EFNA2: variants seen among roughly 807,000 people sequenced by gnomAD.
The protein encoded by EFNA2 is ephrin-A2.
A neutral mutation model predicts 19.7 loss-of-function variants in EFNA2; 18 were observed. That is an observed-to-expected ratio of 0.91 (90% CI 0.63 to 1.35). EFNA2 has a LOEUF of 1.35. EFNA2 is among the 40% of genes most tolerant of loss of function. EFNA2 has a pLI of 0.00. For synonymous variants in EFNA2, 187 were observed against 137.8 expected, an observed-to-expected ratio of 1.36 and a Z score of -2.50; for missense variants, 303 against 296.0, an observed-to-expected ratio of 1.02 and a Z score of -0.17.
chr19:1,284,643 G>A (rs1475175502), upstream of EFNA2, among the ~76,000 whole-genome samples: 1 of 152,218 alleles, frequency 6.6e-6, no homozygotes, highest in African/African-American at 2.4e-5. This position sits in a 1 kb window ranked among gnomAD's most constrained non-coding sequence, Gnocchi z 5.3. Flanking sequence ...CCACGTCTCA[G>A]AGCTGTGGGA....
In EFNA2 at chr19:1,298,606, G is replaced by C; in HGVS notation, c.510G>C (p.Val170=). ...DRPCLRLKVY[V]RPTNETLYEA... ...CCTGCCTGCGACTGAAGGTGTACGT[G>C]CGGCCGACCAGTAAGTGCTCAGGGG... Residue 170 remains valine (V), a synonymous_variant, in exon 3 of 4, where the codon GTG becomes GTC. Coordinates refer to ENST00000215368, the MANE Select transcript of EFNA2 (RefSeq NM_001405.4). The C allele has an allele frequency of 6.2e-7, 1 of 1,613,936 alleles. No individual in the cohort carries two copies. Among genetic ancestry groups the C allele is most frequent in the African/African-American group, 1.3e-5 (1 of 75,012 alleles).
rs542330915 is a variant in EFNA2 at position 1,287,446 on chromosome 19, G to C, written c.140+1138G>C. On this transcript the variant is annotated intron_variant, in intron 1 of 3. Transcript: ENST00000215368. This position sits in a 1 kb window ranked among gnomAD's most constrained non-coding sequence, Gnocchi z 6.2. ...TTTCCAGCCGCTTCCTGTGCCGACCGAGCCGCCCTCTGGAGCCCGCCACCC... is the reference window on the plus strand; with the variant it reads ...TTTCCAGCCGCTTCCTGTGCCGACCCAGCCGCCCTCTGGAGCCCGCCACCC... Among the ~76,000 whole-genome samples, 1 of 152,120 alleles carries C rather than the reference G, an allele frequency of 6.6e-6. No individual in the cohort carries two copies. Among genetic ancestry groups the C allele is most frequent in the Non-Finnish European group, 1.5e-5 (1 of 68,022 alleles).
intron 1 of EFNA2, among the ~76,000 whole-genome samples, chr19:1,291,174 G>A (rs560615474): frequency 6.6e-6 from 1 of 152,298 alleles, no homozygotes; most frequent in East Asian, 1.9e-4. Context: ...AAGGTGGGTG[G>A]CCGACGGCAG....
chr19:1,300,122 T>C lies in EFNA2; in HGVS notation c.*177T>C. The C allele has an allele frequency of 1.1e-6, 1 of 878,478 alleles. No individual in the cohort carries two copies. The highest frequency in any genetic ancestry group is 1.6e-6 in the Non-Finnish European group (1 of 623,602). 54.4% of individuals were successfully genotyped at this position (878,478 alleles called of 1,614,324 possible). A position where few individuals can be genotyped will look rare whatever the true frequency, so the allele number is the denominator to read the frequency against. On this transcript the variant is annotated 3_prime_UTR_variant, in exon 4 of 4. Transcript: ENST00000215368. The stretch of plus-strand genomic sequence containing the variant: ...CATCCACCCGCCCCAGGACCAGCCC[T>C]CAGGGAGGGGAAACGGCCGAGAGCC...
chr19:1,286,417 G>T lies in EFNA2; in HGVS notation c.140+109G>T, dbSNP rs987550213. 8.1e-6 allele frequency: 3 copies of T among 371,700 alleles called. No individual in the cohort carries two copies. The highest frequency in any genetic ancestry group is 1.1e-5 in the Non-Finnish European group (3 of 270,792). 23.0% of individuals were successfully genotyped at this position (371,700 alleles called of 1,614,324 possible). Reference sequence around the variant, plus strand: ...GGGCGCCCCCCACGCGCGCGCCGCCGCCGGGATGCGGGCGCCCGGTTCCCG... The same window carrying T: ...GGGCGCCCCCCACGCGCGCGCCGCCTCCGGGATGCGGGCGCCCGGTTCCCG... On this transcript the variant is annotated intron_variant, in intron 1 of 3. Transcript: ENST00000215368. This position sits in a 1 kb window ranked among gnomAD's most constrained non-coding sequence, Gnocchi z 5.6.
At chr19:1,293,158 C>T (rs1176038261) in intron 1 of EFNA2, among the ~76,000 whole-genome samples, 2 of 152,192 alleles carry the variant, frequency 1.3e-5, no homozygotes, top group African/African-American at 2.4e-5. Context: ...GGTCCCTCCA[C>T]GGAGGCCTCC....
At chr19:1,298,234 T>C (rs1419471255) in intron 2 of EFNA2, among the ~76,000 whole-genome samples, 1 of 152,104 alleles carries the variant, frequency 6.6e-6, no homozygotes, top group East Asian at 1.9e-4. Flanking sequence ...CTTTGCTGAT[T>C]GCTTGAAAAC....
At chr19:1,292,855 C>T (rs1354350815) in intron 1 of EFNA2, among the ~76,000 whole-genome samples, 5 of 152,152 alleles carry the variant, frequency 3.3e-5, no homozygotes, top group South Asian at 2.1e-4. Context: ...GGCACCTGGC[C>T]GCTCAGCCAC....
upstream of EFNA2, among the ~76,000 whole-genome samples, chr19:1,285,137 C>A (rs1337499225): frequency 6.6e-6 from 1 of 152,208 alleles, no homozygotes; most frequent in Non-Finnish European, 1.5e-5. The surrounding 1 kb of genome is among the most constrained non-coding windows in gnomAD (Gnocchi z 4.1). Context: ...CCACCTGTGT[C>A]AGCCTACCAG....
chr19:1,288,176 T>C (rs1201795762), intron 1 of EFNA2, among the ~76,000 whole-genome samples: 1 of 152,218 alleles, frequency 6.6e-6, no homozygotes, highest in Non-Finnish European at 1.5e-5. Flanking sequence ...CACCCTGCAG[T>C]GGGGCCCAGG....
chr19:1,299,749 C>G, intron 3 of EFNA2, 75 bp from the exon 4 acceptor site: 1 of 1,504,978 alleles, frequency 6.6e-7, no homozygotes, highest in South Asian at 1.3e-5. Flanking sequence ...GATGTGCACC[C>G]TGAGGGCGGG....
At position 1,301,344 on chromosome 19, in the gene EFNA2, T is replaced by G. The variant is rs1600064428; in HGVS notation, c.*1399T>G. 6.6e-6 allele frequency among the ~76,000 whole-genome samples: 1 copy of G among 151,658 alleles called. No individual in the cohort carries two copies. The highest frequency in any genetic ancestry group is 1.9e-4 in the East Asian group (1 of 5,160). On this transcript the variant is annotated 3_prime_UTR_variant, in exon 4 of 4. Transcript: ENST00000215368. ...GCGGGGCGGGCCGCGTTGCCAGGCC[T>G]GGAGCTGGCGACCGGGCCTCCCTCT...
Position 1,300,320 on chromosome 19 carries a change from T to G in EFNA2, c.*375T>G, listed in dbSNP as rs79149240. On this transcript the variant is annotated 3_prime_UTR_variant, in exon 4 of 4. Transcript: ENST00000215368. ...GGATCAAAAAGACTTGAGTTTTTAA[T>G]TTAATTTATTCCCTGCCGTTGTAGC... The G allele has an allele frequency of 6.9e-4, 114 of 164,388 alleles. 1 individual carries two copies. In the East Asian group the frequency reaches 0.018, roughly 26 times the overall value. The allele number at this position is 164,388 out of a possible 1,614,324, so 10.2% of individuals were successfully genotyped here.
intron 3 of EFNA2, among the ~76,000 whole-genome samples, 181 bp from the exon 4 acceptor site, chr19:1,299,643 T>C (rs534600137): frequency 9.1e-4 from 136 of 150,256 alleles, no homozygotes; most frequent in African/African-American, 3.1e-3. Flanking sequence ...GGTCCCCCAC[T>C]TCAGGCCAAG....
rs1360748394 is a variant in EFNA2 at position 1,297,343 on chromosome 19, G to A, written c.455-1208G>A. 1.3e-5 allele frequency among the ~76,000 whole-genome samples: 2 copies of A among 152,160 alleles called. No homozygotes were observed. The highest frequency in any genetic ancestry group is 4.8e-5 in the African/African-American group (2 of 41,434). Reference sequence around the variant, plus strand: ...AAGCGGGTGGGGGACGGGGGAAGGTGTTTAAATTAAGTCCCCATAATATGA... The same window carrying A: ...AAGCGGGTGGGGGACGGGGGAAGGTATTTAAATTAAGTCCCCATAATATGA... On this transcript the variant is annotated intron_variant, in intron 2 of 3. Coordinates refer to ENST00000215368, the MANE Select transcript of EFNA2 (RefSeq NM_001405.4). The surrounding 1 kb of genome is among the most constrained non-coding windows in gnomAD (Gnocchi z 5.0).
upstream of EFNA2, among the ~76,000 whole-genome samples, chr19:1,284,579 G>A (rs1199295846): frequency 1.3e-5 from 2 of 152,220 alleles, no homozygotes; most frequent in Admixed American, 1.3e-4. The surrounding 1 kb of genome is among the most constrained non-coding windows in gnomAD (Gnocchi z 5.3). Context: ...GGCCCGCGTG[G>A]CCCGCTGGGG....
chr19:1,295,908 G>A lies in EFNA2; in HGVS notation c.454+50G>A, dbSNP rs1198483271. 9 of 1,502,038 alleles carry A rather than the reference G, an allele frequency of 6.0e-6. No individual in the cohort carries two copies. The highest frequency in any genetic ancestry group is 8.0e-6 in the Non-Finnish European group (9 of 1,128,710). The allele number at this position is 1,502,038 out of a possible 1,614,324, so 93.0% of individuals were successfully genotyped here. On this transcript the variant is annotated intron_variant, in intron 2 of 3. Transcript: ENST00000215368. This position sits in a 1 kb window ranked among gnomAD's most constrained non-coding sequence, Gnocchi z 5.8. Reference sequence around the variant, plus strand: ...CCGGGGCCCGAGTGGGCGGGGACGCGGGGGCGGGGCCAGGAAGTGGGCGGG... The same window carrying A: ...CCGGGGCCCGAGTGGGCGGGGACGCAGGGGCGGGGCCAGGAAGTGGGCGGG...
rs1205417155 is a variant in EFNA2, at chr19:1,287,188, T to C, written c.140+880T>C. ...AAAAAAGTTTGCCGGGGCCTGGCCATGGCCTGGACGTGGGTAGAACCCTCT... is the reference window on the plus strand; with the variant it reads ...AAAAAAGTTTGCCGGGGCCTGGCCACGGCCTGGACGTGGGTAGAACCCTCT... On this transcript the variant is annotated intron_variant, in intron 1 of 3. Transcript: ENST00000215368. The surrounding 1 kb of genome is among the most constrained non-coding windows in gnomAD (Gnocchi z 6.2). 6.6e-6 allele frequency among the ~76,000 whole-genome samples: 1 copy of C among 152,188 alleles called. No individual in the cohort carries two copies. The highest frequency in any genetic ancestry group is 1.5e-5 in the Non-Finnish European group (1 of 68,032).
chr19:1,292,379 T>C (rs1600057260), intron 1 of EFNA2, among the ~76,000 whole-genome samples: 1 of 152,262 alleles, frequency 6.6e-6, no homozygotes, highest in Non-Finnish European at 1.5e-5. Context: ...AACTCTGGCA[T>C]TGCAAAGTCC....
Sources: gnomAD v4.1 joint callset for allele counts (sites outside exome capture counted in the v4.1 genomes callset) on GRCh38, gnomAD v4.1.1 for gene constraint, Gnocchi (gnomAD v3.1) non-coding constraint, MANE v1.5 for transcripts, NCBI Gene and HGNC (gene_info 2026-07-23, HGNC 2026-07-21) for gene names.